Variants in CTPS2 observed in about 807,000 individuals in gnomAD.
The protein encoded by CTPS2 is CTP synthase II.
Under a neutral mutation model 46.8 loss-of-function variants are expected in CTPS2, and 19 were observed. The ratio of observed to expected loss-of-function variants is 0.41; its 90% CI spans 0.28 to 0.60. The LOEUF (loss-of-function observed/expected upper bound fraction) is 0.60, where lower values mean the gene tolerates loss of function less well. Ranked by LOEUF, CTPS2 falls within the 20% of genes least tolerant of loss-of-function variation. The pLI is 0.35. For missense variants in CTPS2, 286 were observed against 447.6 expected (o/e 0.64, Z 3.26); for synonymous variants, 151 against 165.2 (o/e 0.91, Z 0.66).
At chrX:16,703,986 T>A (rs1924792660) in intron 1 of CTPS2, among the ~76,000 whole-genome samples, 1 of 106,812 alleles carries the variant, frequency 9.4e-6, no homozygotes, top group Admixed American at 1.0e-4. Flanking sequence ...TTGCCCAGGC[T>A]GGAGTATAGT....
At chrX:16,707,794 G>A (rs747453222) in intron 1 of CTPS2, among the ~76,000 whole-genome samples, 5 of 111,743 alleles carry the variant, frequency 4.5e-5, no homozygotes, top group Non-Finnish European at 9.4e-5. Flanking sequence ...TCAGCGTGGC[G>A]AAACAATGTC....
At position 16,698,245 on chromosome X, in the gene CTPS2, G is replaced by A. The variant is rs373070634; in HGVS notation, c.429C>T (p.Cys143=). 1 of 1,189,852 alleles carries A rather than the reference G, an allele frequency of 8.4e-7. No homozygotes were observed. Among genetic ancestry groups the A allele is most frequent in the African/African-American group, 1.7e-5 (1 of 57,354 alleles). ...AAAGTTCTATGCTTGCCTCAATAAC[G>A]CATATTTGGGGCTCTTCCTTATTAC... is the stretch of plus-strand genomic sequence containing the variant. ...VDGNKEEPQI[C]VIELGGTIGD... is the part of the protein sequence containing the mutation. The change falls in exon 4 of 19, where the codon TGC becomes TGT. Residue 143 remains cysteine (C), a synonymous_variant. Coordinates refer to ENST00000359276, the MANE Select transcript of CTPS2 (RefSeq NM_175859.3).
intron 13 of CTPS2, among the ~76,000 whole-genome samples, chrX:16,665,835 A>G (rs746780372): frequency 2.7e-5 from 3 of 112,054 alleles, no homozygotes; most frequent in East Asian, 2.8e-4. Context: ...ACTGCAACCA[A>G]CGCCTCCTGG....
At chrX:16,598,972 A>C (rs908657568) in intron 17 of CTPS2, among the ~76,000 whole-genome samples, 1 of 111,970 alleles carries the variant, frequency 8.9e-6, no homozygotes, top group African/African-American at 3.2e-5. Context: ...TGATTATCTC[A>C]ATAGATGCAG....
intron 9 of CTPS2, among the ~76,000 whole-genome samples, chrX:16,681,841 G>A (rs1359456173): frequency 2.7e-5 from 3 of 111,625 alleles, no homozygotes; most frequent in East Asian, 5.6e-4. Context: ...GAACTACTTC[G>A]CCTGGCTTAT....
intron 9 of CTPS2, among the ~76,000 whole-genome samples, chrX:16,680,554 C>CA (rs763759349): frequency 0.022 from 750 of 34,493 alleles, 12 homozygotes; most frequent in East Asian, 0.064. Context: ...GACCCTGTCT[C>CA]AAAAAAAAAA....
chrX:16,697,313 C>T (rs1294705110), intron 4 of CTPS2, among the ~76,000 whole-genome samples: 2 of 110,439 alleles, frequency 1.8e-5, no homozygotes, highest in Non-Finnish European at 3.8e-5. Context: ...TGCTCTTTCG[C>T]CCGGCAATTA....
intron 13 of CTPS2, among the ~76,000 whole-genome samples, chrX:16,648,180 G>T (rs1006748906): frequency 1.2e-4 from 13 of 112,073 alleles, no homozygotes; most frequent in African/African-American, 3.6e-4. Context: ...TAATTTGAGA[G>T]AAAAGATGAT....
intron 11 of CTPS2, among the ~76,000 whole-genome samples, chrX:16,669,098 G>A (rs780241014): frequency 1.2e-4 from 13 of 111,092 alleles, no homozygotes; most frequent in Middle Eastern, 4.6e-3. Flanking sequence ...GCAGCAGTGG[G>A]GGGTGGGGGT....
chrX:16,675,616 G>GT (rs1385857784), intron 10 of CTPS2, among the ~76,000 whole-genome samples: 1 of 112,231 alleles, frequency 8.9e-6, no homozygotes, highest in Non-Finnish European at 1.9e-5. Context: ...AGCCACAGAT[G>GT]TAACAAATTC....
intron 2 of CTPS2, among the ~76,000 whole-genome samples, chrX:16,702,313 C>G (rs920856477): frequency 4.5e-5 from 5 of 112,145 alleles, no homozygotes; most frequent in African/African-American, 1.3e-4. Context: ...CTCGGCCTCC[C>G]AAAGTGCTGG....
chrX:16,678,749 C>T (rs975542651), intron 9 of CTPS2, among the ~76,000 whole-genome samples: 1 of 110,222 alleles, frequency 9.1e-6, no homozygotes, highest in Admixed American at 9.8e-5. Flanking sequence ...TGCCTGTAGC[C>T]CCAGCTACTT....
intron 16 of CTPS2, 95 bp from the exon 17 acceptor site, chrX:16,609,780 G>T: frequency 1.1e-6 from 1 of 897,548 alleles, no homozygotes; most frequent in South Asian, 2.9e-5. Flanking sequence ...CTCATTAAAT[G>T]GTAAGATGAT....
chrX:16,605,657 G>A (rs1287191803), intron 17 of CTPS2, among the ~76,000 whole-genome samples: 2 of 111,650 alleles, frequency 1.8e-5, no homozygotes, highest in Non-Finnish European at 3.8e-5. Flanking sequence ...GGGAGGTGGA[G>A]GTTGCAGTGA....
Position 16,683,156 on chromosome X carries a change from C to A in CTPS2, c.943G>T (p.Ala315Ser), listed in dbSNP as rs148995160. The A allele has an allele frequency of 1.7e-6, 2 of 1,208,645 alleles. No individual in the cohort carries two copies. Among genetic ancestry groups the A allele is most frequent in the African/African-American group, 3.5e-5 (2 of 57,120 alleles). The change falls in exon 9 of 19, where the codon GCC becomes TCC. Residue 315 changes from alanine (A) to serine (S), a missense_variant. Transcript: ENST00000359276. ...TGTTCCAGGGCTTTGAACACAGAGGCGTAGCAGTCTCTGAGCTTGGTGTAT... is the reference window on the plus strand; with the variant it reads ...TGTTCCAGGGCTTTGAACACAGAGGAGTAGCAGTCTCTGAGCTTGGTGTAT... ...GKYTKLRDCY[A>S]SVFKALEHSA...
intron 9 of CTPS2, among the ~76,000 whole-genome samples, chrX:16,680,423 C>T (rs188526763): frequency 1.8e-4 from 19 of 108,111 alleles, no homozygotes; most frequent in Non-Finnish European, 2.7e-4. Context: ...GGTGTGGTGG[C>T]GGGCACCTGT....
intron 13 of CTPS2, among the ~76,000 whole-genome samples, chrX:16,647,512 C>T (rs755747005): frequency 1.8e-4 from 20 of 108,752 alleles, no homozygotes; most frequent in African/African-American, 5.7e-4. Flanking sequence ...AGGTGATCCG[C>T]CCACCTCGGC....
chrX:16,696,723 A>G (rs1000585851), intron 4 of CTPS2, among the ~76,000 whole-genome samples: 4 of 110,970 alleles, frequency 3.6e-5, no homozygotes, highest in African/African-American at 1.3e-4. Flanking sequence ...TCTATAAAAA[A>G]TAAATAGCCA....
intron 13 of CTPS2, among the ~76,000 whole-genome samples, chrX:16,649,610 G>A (rs1048477948): frequency 9.0e-6 from 1 of 111,395 alleles, no homozygotes; most frequent in Non-Finnish European, 1.9e-5. Context: ...TCCCACCTCA[G>A]CCTCTACAGT....
Sources: gnomAD v4.1 joint callset for allele counts (sites outside exome capture counted in the v4.1 genomes callset) on GRCh38, gnomAD v4.1.1 for gene constraint, MANE v1.5 for transcripts, NCBI Gene and HGNC (gene_info 2026-07-23, HGNC 2026-07-21) for gene names.